Variants in ECPAS observed in about 807,000 individuals in gnomAD.
ECPAS encodes the protein Ecm29 proteasome adaptor and scaffold.
Under a neutral mutation model 255.1 loss-of-function variants are expected in ECPAS, and 70 were observed. The ratio of observed to expected loss-of-function variants is 0.27; its 90% confidence interval spans 0.23 to 0.33. ECPAS has a LOEUF of 0.33. Ranked by LOEUF, ECPAS falls within the 10% of genes least tolerant of loss-of-function variation. ECPAS has a pLI of 1.00. For missense variants in ECPAS, 1,817 were observed against 2,206.4 expected, an observed-to-expected ratio of 0.82 and a Z score of 3.54; for synonymous variants, 784 against 775.0, an observed-to-expected ratio of 1.01 and a Z score of -0.19.
At position 111,425,186 on chromosome 9, in the gene ECPAS, CA is replaced by C. The variant is rs758231664; in HGVS notation, c.1215+231del. Reference sequence around the variant, plus strand: ...GGGCAACTAGAGCAAAACTCCATCTCAAAAAAAAAAAAAGATATAGTAAGAC... The same window carrying C: ...GGGCAACTAGAGCAAAACTCCATCTCAAAAAAAAAAAAGATATAGTAAGAC... On this transcript the variant is annotated intron_variant, in intron 12 of 49. Coordinates refer to ENST00000684092, the MANE Select transcript of ECPAS (RefSeq NM_001364929.1). Among the ~76,000 whole-genome samples, 891 of 129,508 alleles carry C rather than the reference CA, an allele frequency of 6.9e-3. 4 individuals are homozygous for C. The highest frequency in any genetic ancestry group is 0.017 in the African/African-American group (600 of 35,876). 85.0% of individuals were successfully genotyped at this position (129,508 alleles called of 152,430 possible).
At chr9:111,442,963 T>G (rs1390856930) in intron 4 of ECPAS, among the ~76,000 whole-genome samples, 3 of 152,126 alleles carry the variant, frequency 2.0e-5, no homozygotes. Context: ...CATCCCAAAT[T>G]TGAAAATCTG....
In ECPAS at chr9:111,374,694, G is replaced by T. The variant is rs1445645450; in HGVS notation, c.4110+419C>A. Among the ~76,000 whole-genome samples, 3 of 152,250 alleles carry T rather than the reference G, an allele frequency of 2.0e-5. No individual in the cohort carries two copies. In the East Asian group the frequency reaches 5.8e-4, roughly 29 times the overall value. On this transcript the variant is annotated intron_variant, in intron 38 of 49. Transcript: ENST00000684092. ...GTGAGTTATTAATTTGTTGTTAAAA[G>T]GGTGGTAGGGGGGTGTCTGATCCTT...
chr9:111,414,133 CTAAA>C (rs2098199360), intron 19 of ECPAS, 147 bp from the exon 20 acceptor site: 1 of 626,758 alleles, frequency 1.6e-6, no homozygotes, highest in South Asian at 2.4e-5. Flanking sequence ...CCTACACAAC[CTAAA>C]TATAGTATGT....
intron 24 of ECPAS, among the ~76,000 whole-genome samples, chr9:111,405,340 C>A (rs144192216): frequency 2.6e-4 from 39 of 149,702 alleles, no homozygotes; most frequent in Admixed American, 5.3e-4. Context: ...ATAAGTTGTG[C>A]TGGAAAAACT....
At chr9:111,407,941 C>G (rs779389889) in intron 24 of ECPAS, among the ~76,000 whole-genome samples, 5 of 152,148 alleles carry the variant, frequency 3.3e-5, no homozygotes, top group Non-Finnish European at 7.3e-5. Flanking sequence ...CATGATGGCA[C>G]AAGTAACTAA....
At chr9:111,423,302 C>CA in intron 12 of ECPAS, 54 bp from the exon 13 acceptor site, 4 of 1,234,442 alleles carry the variant, frequency 3.2e-6, no homozygotes, top group Non-Finnish European at 4.6e-6. Flanking sequence ...ACAGACAAAA[C>CA]AAAAAATACA....
chr9:111,382,260 C>CT (rs35441317), intron 35 of ECPAS, among the ~76,000 whole-genome samples: 37,500 of 107,698 alleles, frequency 0.35, 7,681 homozygotes, highest in Non-Finnish European at 0.42. Context: ...AAAAGTGATA[C>CT]TTTTTTTTTT....
At chr9:111,460,732 A>G (rs1222073430) in intron 2 of ECPAS, among the ~76,000 whole-genome samples, 1 of 152,222 alleles carries the variant, frequency 6.6e-6, no homozygotes, top group Non-Finnish European at 1.5e-5. Flanking sequence ...TAATCTAGGG[A>G]AAAATGTGTA....
chr9:111,418,842 T>A (rs895224868), intron 16 of ECPAS, among the ~76,000 whole-genome samples: 1 of 152,144 alleles, frequency 6.6e-6, no homozygotes, highest in Non-Finnish European at 1.5e-5. Context: ...CCCCAGTACA[T>A]CTGGCCTTGG....
intron 2 of ECPAS, among the ~76,000 whole-genome samples, chr9:111,453,784 G>A (rs890205246): frequency 2.6e-5 from 4 of 151,936 alleles, no homozygotes; most frequent in African/African-American, 9.7e-5. Flanking sequence ...CCAAACTGGG[G>A]GACATTCTAT....
At position 111,369,053 on chromosome 9, in the gene ECPAS, G is replaced by A. The variant is rs748891610; in HGVS notation, c.5095C>T (p.Arg1699Ter). ...TGCTTACGTTGGGTCTCCGCGTTTC[G>A]CGGCCAGGCTTTGCCCAGGCTTTCA... The part of the protein sequence containing the change: ...AFESLGKAWP[R>*]NAETQRCYRQ... Residue 1699 changes from arginine to a stop codon, truncating the protein, a stop_gained, in exon 46 of 50, where the codon CGA (arginine) becomes TGA (stop). Coordinates refer to ENST00000684092, the MANE Select transcript of ECPAS (RefSeq NM_001364929.1). LOFTEE classifies it high-confidence loss of function. The A allele has an allele frequency of 1.3e-6, 2 of 1,587,712 alleles. No individual in the cohort carries two copies. The highest frequency in any genetic ancestry group is 1.9e-5 in the Admixed American group (1 of 53,234).
chr9:111,480,820 A>G (rs145891391), intron 1 of ECPAS, among the ~76,000 whole-genome samples: 14 of 152,348 alleles, frequency 9.2e-5, no homozygotes, highest in East Asian at 1.9e-4. Context: ...AAACAAGAAG[A>G]AGGCAAGGAT....
At chr9:111,483,039 TGATTACTA>T (rs1438103544) in intron 1 of ECPAS, among the ~76,000 whole-genome samples, 1 of 152,216 alleles carries the variant, frequency 6.6e-6, no homozygotes. Context: ...ACCTTTCGGC[TGATTACTA>T]GAGTGTCACA....
chr9:111,437,192 C>T, intron 6 of ECPAS, 84 bp from the exon 7 acceptor site: 1 of 1,100,828 alleles, frequency 9.1e-7, no homozygotes, highest in Non-Finnish European at 1.2e-6. Context: ...CAATCATATA[C>T]TGTCCTCCTA....
At chr9:111,440,285 T>G in intron 6 of ECPAS, 87 bp downstream of exon 6, 1 of 1,195,192 alleles carries the variant, frequency 8.4e-7, no homozygotes, top group Non-Finnish European at 1.1e-6. Flanking sequence ...ATTCATTTAC[T>G]AGTGAGAGTT....
chr9:111,430,731 A>G (rs1036517734), intron 8 of ECPAS, 103 bp from the exon 9 acceptor site: 34 of 725,594 alleles, frequency 4.7e-5, no homozygotes, highest in Non-Finnish European at 7.4e-5. Flanking sequence ...AGAAAATGTT[A>G]GAAACACACA....
At chr9:111,392,558 G>C (rs1410944005) in intron 28 of ECPAS, among the ~76,000 whole-genome samples, 2 of 152,078 alleles carry the variant, frequency 1.3e-5, no homozygotes, top group African/African-American at 2.4e-5. Context: ...TTAAACTTTC[G>C]ACGCTTGACC....
chr9:111,384,813 T>C (rs1232671937), intron 33 of ECPAS, among the ~76,000 whole-genome samples: 1 of 152,196 alleles, frequency 6.6e-6, no homozygotes, highest in Non-Finnish European at 1.5e-5. Context: ...AATTTAGCTA[T>C]TAACAGTTGA....
chr9:111,473,016 C>A lies in ECPAS; in HGVS notation c.-82-16G>T. The A allele has an allele frequency of 1.1e-6, 1 of 881,704 alleles. No homozygotes were observed. Among genetic ancestry groups the A allele is most frequent in the Non-Finnish European group, 1.4e-6 (1 of 696,298 alleles). 54.6% of individuals were successfully genotyped at this position (881,704 alleles called of 1,614,324 possible). On this transcript the variant is annotated splice_polypyrimidine_tract_variant and intron_variant, in intron 1 of 49. Coordinates refer to ENST00000684092, the MANE Select transcript of ECPAS (RefSeq NM_001364929.1). ...TATAAAGAATCTATTATTTAGAACA[C>A]CAAAAAAATACAATTAACAGATGTA...
Sources: gnomAD v4.1 joint callset for allele counts (sites outside exome capture counted in the v4.1 genomes callset) on GRCh38, gnomAD v4.1.1 for gene constraint, MANE v1.5 for transcripts, NCBI Gene and HGNC (gene_info 2026-07-23, HGNC 2026-07-21) for gene names.